Variants in TENM3 observed in about 807,000 individuals in gnomAD.
The protein encoded by TENM3 is teneurin transmembrane protein 3.
TENM3 carries 63 observed loss-of-function variants against 255.1 expected under a neutral mutation model. The observed-to-expected ratio is 0.25, with a 90% CI of 0.20 to 0.30. The LOEUF (loss-of-function observed/expected upper bound fraction) is 0.30. Ranked by LOEUF, TENM3 falls within the 10% of genes least tolerant of loss-of-function variation. TENM3 has a pLI of 1.00. For missense variants in TENM3, 2,929 were observed against 3,461.1 expected, an observed-to-expected ratio of 0.85 and a Z score of 3.86; for synonymous variants, 1,306 against 1,322.3, an observed-to-expected ratio of 0.99 and a Z score of 0.27.
intron 3 of TENM3, among the ~76,000 whole-genome samples, chr4:182,560,072 A>T (rs1374322719): frequency 1.3e-5 from 2 of 151,670 alleles, no homozygotes; most frequent in East Asian, 1.9e-4. Context: ...ATTAAAAATT[A>T]AAAAAAGGTT....
At chr4:181,557,517 C>T in the TENM3 span, among the ~76,000 whole-genome samples, 1 of 152,154 alleles carries the variant, frequency 6.6e-6, no homozygotes, top group East Asian at 1.9e-4. Context: ...CACACGTCTC[C>T]ATATATTTCT....
intron 3 of TENM3, among the ~76,000 whole-genome samples, chr4:182,478,444 T>C (rs1733886742): frequency 6.6e-6 from 1 of 151,934 alleles, no homozygotes; most frequent in Non-Finnish European, 1.5e-5. Flanking sequence ...GAGTTTCATA[T>C]GTAGAGTTTT....
At chr4:181,594,881 T>TCCTA in the TENM3 span, among the ~76,000 whole-genome samples, 5 of 152,182 alleles carry the variant, frequency 3.3e-5, no homozygotes, top group African/African-American at 2.4e-5. Context: ...CAGAAACTTG[T>TCCTA]CCTAACACCC....
At chr4:182,391,821 T>C (rs530502833) in intron 3 of TENM3, among the ~76,000 whole-genome samples, 1 of 152,284 alleles carries the variant, frequency 6.6e-6, no homozygotes, top group East Asian at 1.9e-4. Flanking sequence ...TTGCTCTATG[T>C]TTCTGAACTT....
intron 1 of TENM3, among the ~76,000 whole-genome samples, chr4:182,194,229 A>G (rs982164068): frequency 6.6e-6 from 1 of 152,100 alleles, no homozygotes; most frequent in Non-Finnish European, 1.5e-5. Context: ...GGTATCCTTG[A>G]TCCGAGCTGC....
At chr4:182,294,383 T>C (rs1761332967) in intron 1 of TENM3, among the ~76,000 whole-genome samples, 1 of 152,042 alleles carries the variant, frequency 6.6e-6, no homozygotes, top group Non-Finnish European at 1.5e-5. Context: ...AAACATTCAA[T>C]GTTCACCCTG....
intron 3 of TENM3, among the ~76,000 whole-genome samples, chr4:182,586,117 G>A (rs1005967304): frequency 6.6e-6 from 1 of 152,050 alleles, no homozygotes; most frequent in Non-Finnish European, 1.5e-5. Context: ...ATTAGCTGAG[G>A]ATGGTGCTGC....
chr4:182,070,478 G>T, the TENM3 span, among the ~76,000 whole-genome samples: 1 of 152,064 alleles, frequency 6.6e-6, no homozygotes, highest in East Asian at 1.9e-4. Flanking sequence ...TTAGTTGGGT[G>T]TAGCGGCACA....
chr4:181,517,888 A>G, the TENM3 span, among the ~76,000 whole-genome samples: 4 of 152,150 alleles, frequency 2.6e-5, no homozygotes, highest in Non-Finnish European at 5.9e-5. Context: ...ACCAGCACTG[A>G]CTATTTTTCT....
chr4:182,435,622 G>A (rs1771986173), intron 3 of TENM3, among the ~76,000 whole-genome samples: 1 of 152,192 alleles, frequency 6.6e-6, no homozygotes, highest in Non-Finnish European at 1.5e-5. Flanking sequence ...CCTTCCTTGG[G>A]CCAGATAAAG....
In TENM3 at chr4:182,152,626, A is replaced by C. The variant is rs538593458; in HGVS notation, c.-76+7872A>C. ...TTTTAATAAACAATATTGATATGTT[A>C]AGCTGATTTGCCAGTAAGATTTTTT... On this transcript the variant is annotated intron_variant, in intron 1 of 2. Coordinates refer to the TENM3 transcript ENST00000512480. 1.7e-4 allele frequency among the ~76,000 whole-genome samples: 26 copies of C among 152,068 alleles called. 1 individual carries two copies. In the South Asian group the frequency reaches 5.4e-3, roughly 31 times the overall value.
the TENM3 span, among the ~76,000 whole-genome samples, chr4:181,899,892 G>A: frequency 9.3e-3 from 1,413 of 152,018 alleles, 24 homozygotes; most frequent in African/African-American, 0.032. Context: ...CAACTACCCT[G>A]GATATTTTAT....
chr4:181,634,592 A>T, the TENM3 span, among the ~76,000 whole-genome samples: 1 of 152,136 alleles, frequency 6.6e-6, no homozygotes, highest in Non-Finnish European at 1.5e-5. Context: ...GGATACATAT[A>T]TTTTAAGTCT....
intron 3 of TENM3, among the ~76,000 whole-genome samples, chr4:182,396,128 T>C (rs1216806978): frequency 6.6e-6 from 1 of 152,188 alleles, no homozygotes; most frequent in African/African-American, 2.4e-5. Context: ...CCTGTGCAGG[T>C]TTGTTACCTG....
chr4:181,759,947 A>G, the TENM3 span, among the ~76,000 whole-genome samples: 1 of 151,956 alleles, frequency 6.6e-6, no homozygotes, highest in African/African-American at 2.4e-5. Flanking sequence ...CTTGCTTAAT[A>G]CTCCATGGCC....
At chr4:182,578,064 C>G (rs920215807) in intron 3 of TENM3, among the ~76,000 whole-genome samples, 7 of 151,872 alleles carry the variant, frequency 4.6e-5, no homozygotes, top group African/African-American at 1.2e-4. Context: ...GCAAGCTCCA[C>G]CTCCCAGGTT....
intron 1 of TENM3, among the ~76,000 whole-genome samples, chr4:182,264,082 T>TTC (rs537028029): frequency 6.6e-6 from 1 of 152,072 alleles, no homozygotes; most frequent in African/African-American, 2.4e-5. Flanking sequence ...GATTTCTGGC[T>TTC]TCTCTCTCTC....
At chr4:181,814,611 C>T in the TENM3 span, among the ~76,000 whole-genome samples, 9 of 127,044 alleles carry the variant, frequency 7.1e-5, no homozygotes, top group African/African-American at 2.1e-4. Flanking sequence ...TGTGTGTGTG[C>T]ATGCAACAAT....
intron 3 of TENM3, among the ~76,000 whole-genome samples, chr4:182,486,392 A>T (rs965724823): frequency 6.6e-6 from 1 of 152,086 alleles, no homozygotes; most frequent in African/African-American, 2.4e-5. Context: ...AAATATAGGG[A>T]AACAAGGAAC....
Sources: gnomAD v4.1 joint callset for allele counts (sites outside exome capture counted in the v4.1 genomes callset) on GRCh38, gnomAD v4.1.1 for gene constraint, MANE v1.5 for transcripts, NCBI Gene and HGNC (gene_info 2026-07-23, HGNC 2026-07-21) for gene names.